Variants in FHIT observed in about 807,000 individuals in gnomAD.
FHIT encodes fragile histidine triad diadenosine triphosphatase.
In FHIT, 19 loss-of-function variants were observed where a neutral mutation model predicts 17.9. The ratio of observed to expected loss-of-function variants is 1.06; its 90% CI spans 0.74 to 1.56. The LOEUF is 1.56. Among genes scored for constraint, FHIT ranks in the 40% most tolerant of loss-of-function variants. The pLI is 0.00. For synonymous variants in FHIT, 81 were observed against 69.7 expected (o/e 1.16, Z -0.81); for missense variants, 248 against 189.2 (o/e 1.31, Z -1.82).
intron 5 of FHIT, among the ~76,000 whole-genome samples, chr3:60,373,925 AGT>A (rs1158629593): frequency 6.6e-6 from 1 of 152,222 alleles, no homozygotes; most frequent in Non-Finnish European, 1.5e-5. Flanking sequence ...TGGTTCAGGA[AGT>A]AGAGAAAAGT....
intron 7 of FHIT, among the ~76,000 whole-genome samples, chr3:59,970,155 A>G (rs1262276248): frequency 6.6e-6 from 1 of 152,166 alleles, no homozygotes; most frequent in Non-Finnish European, 1.5e-5. Flanking sequence ...GTCTTTATGA[A>G]CAGATGGTCT....
At chr3:60,904,493 A>G (rs1171476897) in intron 3 of FHIT, among the ~76,000 whole-genome samples, 1 of 148,460 alleles carries the variant, frequency 6.7e-6, no homozygotes, top group South Asian at 2.1e-4. Flanking sequence ...AAAAAAAAAG[A>G]AAAAAAAAAG....
chr3:60,989,441 C>T (rs187993278), intron 3 of FHIT, among the ~76,000 whole-genome samples: 8 of 152,100 alleles, frequency 5.3e-5, no homozygotes, highest in East Asian at 1.9e-4. Context: ...TATCATATTA[C>T]GGAAACTTTA....
intron 7 of FHIT, among the ~76,000 whole-genome samples, chr3:59,992,968 C>A (rs781416787): frequency 6.6e-6 from 1 of 152,030 alleles, no homozygotes; most frequent in Non-Finnish European, 1.5e-5. Flanking sequence ...AGTTATTCTA[C>A]CCGTAAGAAG....
chr3:60,634,463 G>C (rs1553683271), intron 4 of FHIT, among the ~76,000 whole-genome samples: 1 of 152,156 alleles, frequency 6.6e-6, no homozygotes, highest in East Asian at 1.9e-4. Context: ...CACATCAAAG[G>C]ACAGTAACAG....
At chr3:59,825,361 T>C (rs1321504680) in intron 8 of FHIT, among the ~76,000 whole-genome samples, 4 of 152,220 alleles carry the variant, frequency 2.6e-5, no homozygotes, top group African/African-American at 9.6e-5. Context: ...CCTCAGTGTG[T>C]GTTAATGGCA....
chr3:60,968,419 C>CTT (rs35256219), intron 3 of FHIT, among the ~76,000 whole-genome samples: 43 of 143,122 alleles, frequency 3.0e-4, no homozygotes, highest in Non-Finnish European at 4.4e-4. Flanking sequence ...TGCTGTAGGA[C>CTT]TTTTTTTTTT....
At chr3:61,160,760 T>C (rs1387291671) in intron 2 of FHIT, among the ~76,000 whole-genome samples, 1 of 152,234 alleles carries the variant, frequency 6.6e-6, no homozygotes, top group African/African-American at 2.4e-5. Flanking sequence ...GAATGGGCTA[T>C]TTCTCTACAT....
chr3:60,788,821 CAG>C (rs1700672689), intron 4 of FHIT, among the ~76,000 whole-genome samples: 1 of 151,994 alleles, frequency 6.6e-6, no homozygotes, highest in Non-Finnish European at 1.5e-5. Flanking sequence ...AAAATCCTGA[CAG>C]AGAAATAATA....
intron 4 of FHIT, among the ~76,000 whole-genome samples, chr3:60,783,396 T>C (rs1415891178): frequency 6.6e-6 from 1 of 152,150 alleles, no homozygotes; most frequent in Non-Finnish European, 1.5e-5. Context: ...GAGTAAGGCC[T>C]TACATGCTAC....
intron 2 of FHIT, among the ~76,000 whole-genome samples, chr3:61,044,937 G>T (rs142576221): frequency 6.6e-6 from 1 of 152,294 alleles, no homozygotes; most frequent in East Asian, 1.9e-4. Context: ...AATACTGAGA[G>T]ATTTAGCCAC....
rs1027723610 is a variant in FHIT, at chr3:59,890,347, C to T, written c.348+31999G>A. On this transcript the variant is annotated intron_variant, in intron 8 of 9. Coordinates refer to ENST00000492590, the MANE Select transcript of FHIT (RefSeq NM_002012.4). ...AGAATGGCCATAAATACGGACTGAG[C>T]ATCAATCTGGGACTCTTTTTCAGAT... 2.6e-5 allele frequency among the ~76,000 whole-genome samples: 4 copies of T among 152,142 alleles called. No individual in the cohort carries two copies. The South Asian group carries it at 8.3e-4, about 32-fold the overall frequency.
At chr3:59,835,649 G>A (rs1050200483) in intron 8 of FHIT, among the ~76,000 whole-genome samples, 1 of 152,080 alleles carries the variant, frequency 6.6e-6, no homozygotes, top group Non-Finnish European at 1.5e-5. Context: ...CTCTCAATAT[G>A]TCTTCCCCAT....
intron 5 of FHIT, among the ~76,000 whole-genome samples, chr3:60,381,818 AACTCTG>A (rs1576572261): frequency 3.1e-5 from 2 of 65,270 alleles, no homozygotes; most frequent in East Asian, 1.8e-3. Context: ...ATGGCTCTGT[AACTCTG>A]TAACTCTGGG....
chr3:59,883,591 G>C (rs1043959471), intron 8 of FHIT, among the ~76,000 whole-genome samples: 1 of 152,210 alleles, frequency 6.6e-6, no homozygotes, highest in African/African-American at 2.4e-5. Flanking sequence ...AGAATCATGG[G>C]AGCTACTATT....
rs113714283 is a variant in FHIT at position 60,881,243 on chromosome 3, G to A, written c.-110-59232C>T. ...GATAAAGGAATCAATTCAGCAAGAA[G>A]CTACAACAGTTATATATGCATCCAA... On this transcript the variant is annotated intron_variant, in intron 3 of 9. Coordinates refer to ENST00000492590, the MANE Select transcript of FHIT (RefSeq NM_002012.4). 2.0e-3 allele frequency among the ~76,000 whole-genome samples: 309 copies of A among 152,288 alleles called. 1 individual carries two copies. Among genetic ancestry groups the A allele is most frequent in the African/African-American group, 6.0e-3 (251 of 41,580 alleles).
In FHIT at chr3:60,961,262, T is replaced by A. The variant is rs1399437649; in HGVS notation, c.-111+80785A>T. On this transcript the variant is annotated intron_variant, in intron 3 of 9. Transcript: ENST00000492590. ...AGAAGTGTCTGTTCATATCCTTCGT[T>A]CACTTTTTGATGGGGTTGTTTGTTT... is the stretch of plus-strand genomic sequence containing the variant. Among the ~76,000 whole-genome samples the A allele has an allele frequency of 5.3e-5, 8 of 149,710 alleles. No individual in the cohort carries two copies. In the East Asian group the frequency reaches 1.5e-3, roughly 29 times the overall value.
intron 8 of FHIT, among the ~76,000 whole-genome samples, chr3:59,869,565 T>C (rs1308539505): frequency 6.9e-6 from 1 of 144,780 alleles, no homozygotes; most frequent in Non-Finnish European, 1.5e-5. Context: ...TACTGTAAGC[T>C]CTGCCTCCCG....
At chr3:60,689,972 A>G (rs1474461854) in intron 4 of FHIT, among the ~76,000 whole-genome samples, 2 of 152,196 alleles carry the variant, frequency 1.3e-5, no homozygotes, top group East Asian at 1.9e-4. Context: ...ATTATTAACA[A>G]CCAGCCACTT....
Sources: gnomAD v4.1 joint callset for allele counts (sites outside exome capture counted in the v4.1 genomes callset) on GRCh38, gnomAD v4.1.1 for gene constraint, MANE v1.5 for transcripts, NCBI Gene and HGNC (gene_info 2026-07-23, HGNC 2026-07-21) for gene names.